The following PDE1C variants were observed in gnomAD, a reference collection of about 807,000 sequenced individuals.
PDE1C encodes the protein dual specificity calcium/calmodulin-dependent 3',5'-cyclic nucleotide phosphodiesterase 1C.
In PDE1C, 62 loss-of-function variants were observed where a neutral mutation model predicts 93.1. The observed-to-expected ratio is 0.67, with a 90% CI of 0.54 to 0.82. The LOEUF (loss-of-function observed/expected upper bound fraction) is 0.82. Among genes scored for constraint, PDE1C ranks in the 40% least tolerant of loss-of-function variants. PDE1C has a pLI of 0.00. For synonymous variants in PDE1C, 325 were observed against 310.1 expected, an observed-to-expected ratio of 1.05 and a Z score of -0.50; for missense variants, 742 against 884.6, an observed-to-expected ratio of 0.84 and a Z score of 2.04.
downstream of PDE1C, chr7:31,751,035 C>T (rs1156921753): frequency 6.6e-6 from 1 of 152,126 alleles, no homozygotes; most frequent in Non-Finnish European, 1.5e-5. Context: ...AATGAACTAC[C>T]ACCTAAACAA....
the PDE1C span, among the ~76,000 whole-genome samples, chr7:31,663,699 C>G: frequency 6.6e-6 from 1 of 152,098 alleles, no homozygotes; most frequent in Non-Finnish European, 1.5e-5. Context: ...CCATCTTAAC[C>G]AGAAATGAAA....
At chr7:31,876,030 G>A (rs1796549675) in intron 5 of PDE1C, among the ~76,000 whole-genome samples, 2 of 151,420 alleles carry the variant, frequency 1.3e-5, no homozygotes, top group Non-Finnish European at 1.5e-5. Flanking sequence ...AAAGAAAGCA[G>A]TAATGATTCC....
chr7:31,625,717 A>G, the PDE1C span, among the ~76,000 whole-genome samples: 4 of 152,202 alleles, frequency 2.6e-5, no homozygotes, highest in African/African-American at 4.8e-5. Context: ...TCACATGTAT[A>G]CATATGTACC....
At chr7:32,164,989 C>T (rs1309847501) in intron 3 of PDE1C, among the ~76,000 whole-genome samples, 3 of 152,182 alleles carry the variant, frequency 2.0e-5, no homozygotes, top group African/African-American at 7.2e-5. Context: ...GAAAGAGGCA[C>T]CCAAGGTGAG....
intron 1 of PDE1C, among the ~76,000 whole-genome samples, chr7:32,066,299 G>C (rs1795397342): frequency 6.6e-6 from 1 of 150,934 alleles, no homozygotes; most frequent in Admixed American, 6.6e-5. Flanking sequence ...TTGCTGCATA[G>C]ACAAAAACAA....
chr7:32,123,888 T>C (rs1473623568), intron 3 of PDE1C, among the ~76,000 whole-genome samples: 1 of 152,204 alleles, frequency 6.6e-6, no homozygotes, highest in Non-Finnish European at 1.5e-5. Flanking sequence ...ATAAAGCGTA[T>C]TCAAATACGA....
chr7:31,667,101 T>G, the PDE1C span, among the ~76,000 whole-genome samples: 1 of 152,092 alleles, frequency 6.6e-6, no homozygotes. Flanking sequence ...TGGAAGCTAG[T>G]TACAGGAGTA....
rs574775101 is a variant in PDE1C, at chr7:31,906,754, C to T, written c.129-25894G>A. On this transcript the variant is annotated intron_variant, in intron 2 of 17. Transcript: ENST00000396191. ...CTTCCATTCCAAAGCCTGGCTTTTG[C>T]ATTTACTAGTTGTATGACCTTGAAC... Among the ~76,000 whole-genome samples, 21 of 152,266 alleles carry T rather than the reference C, an allele frequency of 1.4e-4. 1 individual carries two copies. The South Asian group carries it at 4.4e-3, about 32-fold the overall frequency.
chr7:31,903,400 A>G (rs140941463), intron 2 of PDE1C, among the ~76,000 whole-genome samples: 6 of 152,060 alleles, frequency 3.9e-5, no homozygotes, highest in Non-Finnish European at 7.4e-5. Flanking sequence ...AAAAAGTCAT[A>G]AAATACAAGG....
chr7:31,871,899 A>G (rs1795994802), intron 6 of PDE1C, among the ~76,000 whole-genome samples: 1 of 152,172 alleles, frequency 6.6e-6, no homozygotes. Context: ...GAAAGAAATC[A>G]GTGTATCAAA....
chr7:32,278,669 T>A (rs1811440268), intron 1 of PDE1C, among the ~76,000 whole-genome samples: 1 of 152,242 alleles, frequency 6.6e-6, no homozygotes, highest in African/African-American at 2.4e-5. Context: ...TCCAAGGCGA[T>A]GCTGTCTCAA....
At chr7:31,801,167 A>G (rs372708629) in intron 16 of PDE1C, among the ~76,000 whole-genome samples, 1 of 151,316 alleles carries the variant, frequency 6.6e-6, no homozygotes, top group Admixed American at 6.6e-5. Flanking sequence ...TAGAAAACAG[A>G]AAAACAATAG....
At chr7:32,356,980 C>T (rs1042763126) in intron 1 of PDE1C, among the ~76,000 whole-genome samples, 2 of 152,126 alleles carry the variant, frequency 1.3e-5, no homozygotes, top group African/African-American at 4.8e-5. Context: ...GATCTACACA[C>T]ACCACATCCT....
chr7:32,307,530 G>A (rs149461617), intron 1 of PDE1C, among the ~76,000 whole-genome samples: 4 of 152,270 alleles, frequency 2.6e-5, no homozygotes, highest in African/African-American at 7.2e-5. Flanking sequence ...GGTAAACACA[G>A]ATACTTTGAA....
the PDE1C span, among the ~76,000 whole-genome samples, chr7:31,666,138 G>A: frequency 1.3e-5 from 2 of 152,176 alleles, no homozygotes; most frequent in Non-Finnish European, 2.9e-5. Flanking sequence ...TTAGAGCCAA[G>A]GGATTTAACA....
chr7:32,345,966 G>A (rs1783845958), intron 1 of PDE1C, among the ~76,000 whole-genome samples: 1 of 152,174 alleles, frequency 6.6e-6, no homozygotes, highest in African/African-American at 2.4e-5. Context: ...AACCCACCTT[G>A]TGGCCAGGCA....
intron 2 of PDE1C, among the ~76,000 whole-genome samples, chr7:32,199,054 C>T (rs868312429): frequency 2.0e-4 from 30 of 151,812 alleles, no homozygotes; most frequent in Admixed American, 5.3e-4. Flanking sequence ...ACCCAGGAAG[C>T]GGAGGTTGCA....
At chr7:31,671,203 G>A in the PDE1C span, among the ~76,000 whole-genome samples, 4 of 152,310 alleles carry the variant, frequency 2.6e-5, no homozygotes, top group East Asian at 5.8e-4. Flanking sequence ...TCCATGGACA[G>A]CAAAACTGAA....
intron 2 of PDE1C, among the ~76,000 whole-genome samples, chr7:32,000,449 G>A (rs190734371): frequency 2.8e-4 from 42 of 152,276 alleles, no homozygotes; most frequent in African/African-American, 9.6e-4. Context: ...GGGGTAGAAG[G>A]CATAGGCGTG....
Sources: allele counts gnomAD v4.1 joint callset (sites outside exome capture counted in the v4.1 genomes callset), GRCh38; gene constraint gnomAD v4.1.1; transcripts MANE v1.5; gene names NCBI Gene and HGNC (gene_info 2026-07-23, HGNC 2026-07-21).